Variants in KCNT2 observed in about 807,000 individuals in gnomAD.
KCNT2 encodes the protein potassium sodium-activated channel subfamily T member 2.
Under a neutral mutation model 153.8 loss-of-function variants are expected in KCNT2, and 67 were observed. The ratio of observed to expected loss-of-function variants is 0.44; its 90% confidence interval spans 0.36 to 0.53. The LOEUF (loss-of-function observed/expected upper bound fraction) is 0.53, where lower values mean the gene tolerates loss of function less well. Among genes scored for constraint, KCNT2 ranks in the 20% least tolerant of loss-of-function variants. The probability of loss-of-function intolerance (pLI) is 0.00; values close to 1 mark genes in which losing one functional copy is unlikely to be tolerated. For missense variants in KCNT2, 975 were observed against 1,354.8 expected (o/e 0.72, Z 4.40); for synonymous variants, 500 against 458.8 (o/e 1.09, Z -1.15).
intron 25 of KCNT2, among the ~76,000 whole-genome samples, chr1:196,265,143 C>T (rs1057203220): frequency 6.6e-6 from 1 of 152,168 alleles, no homozygotes; most frequent in Non-Finnish European, 1.5e-5. Context: ...TGGGTATTAT[C>T]CCATCTATGA....
At chr1:196,250,902 C>A (rs943977784) in intron 26 of KCNT2, among the ~76,000 whole-genome samples, 2 of 152,000 alleles carry the variant, frequency 1.3e-5, no homozygotes, top group Non-Finnish European at 2.9e-5. Flanking sequence ...CAGAGAAAGA[C>A]AAATCAAAAC....
At chr1:196,228,498 C>A (rs545646778) in intron 27 of KCNT2, among the ~76,000 whole-genome samples, 163 bp from the exon 28 acceptor site, 4 of 152,220 alleles carry the variant, frequency 2.6e-5, no homozygotes, top group Admixed American at 6.5e-5. Context: ...TTGGCCTTTA[C>A]AATTTGGCAT....
chr1:196,506,873 A>G (rs1354507452), intron 1 of KCNT2, among the ~76,000 whole-genome samples: 5 of 152,172 alleles, frequency 3.3e-5, no homozygotes, highest in Admixed American at 3.3e-4. Flanking sequence ...TTTTTAGTCA[A>G]AGTAGATGAG....
In KCNT2 at chr1:196,273,193, A is replaced by G. The variant is rs1468468381; in HGVS notation, c.2910+7667T>C. Among the ~76,000 whole-genome samples the G allele has an allele frequency of 3.3e-5, 5 of 151,862 alleles. No individual in the cohort carries two copies. In the East Asian group the frequency reaches 9.6e-4, roughly 29 times the overall value. On this transcript the variant is annotated intron_variant, in intron 25 of 27. Transcript: ENST00000294725. ...TTAAAAACCATGATAATATCTTGAA[A>G]TATCTTTCATTATTAACTTTAATTA... is the stretch of plus-strand genomic sequence containing the variant.
At chr1:196,293,875 A>C (rs1466985769) in intron 22 of KCNT2, among the ~76,000 whole-genome samples, 1 of 148,524 alleles carries the variant, frequency 6.7e-6, no homozygotes, top group African/African-American at 2.5e-5. Flanking sequence ...AAAAAAAAAC[A>C]AAAAAACAAA....
intron 1 of KCNT2, among the ~76,000 whole-genome samples, chr1:196,553,527 C>T (rs1041635616): frequency 1.3e-5 from 2 of 150,370 alleles, no homozygotes; most frequent in Admixed American, 6.7e-5. Flanking sequence ...AGGGACAGAC[C>T]TCAATACACT....
chr1:196,334,942 T>C (rs1451420878), intron 16 of KCNT2, among the ~76,000 whole-genome samples: 3 of 152,090 alleles, frequency 2.0e-5, no homozygotes, highest in African/African-American at 7.2e-5. Context: ...CTGGAGGCAG[T>C]AAGAATGGCA....
intron 1 of KCNT2, among the ~76,000 whole-genome samples, chr1:196,567,176 C>T (rs1660212572): frequency 6.6e-6 from 1 of 151,948 alleles, no homozygotes; most frequent in South Asian, 2.1e-4. Context: ...TATATTTCAG[C>T]CATATCTCTC....
intron 5 of KCNT2, among the ~76,000 whole-genome samples, chr1:196,477,203 A>T (rs1441706244): frequency 6.6e-6 from 1 of 152,142 alleles, no homozygotes; most frequent in Non-Finnish European, 1.5e-5. Context: ...GTGAGCCTGA[A>T]AAAAGGGTGA....
At chr1:196,301,131 T>G (rs1201256170) in intron 22 of KCNT2, among the ~76,000 whole-genome samples, 1 of 152,184 alleles carries the variant, frequency 6.6e-6, no homozygotes, top group African/African-American at 2.4e-5. Flanking sequence ...GAACAGACTT[T>G]TGTCACAAAC....
chr1:196,435,171 A>G (rs1465729205), intron 8 of KCNT2, among the ~76,000 whole-genome samples: 2 of 137,192 alleles, frequency 1.5e-5, no homozygotes, highest in African/African-American at 5.3e-5. Context: ...ATATATATAT[A>G]TATATATATA....
chr1:196,378,744 T>A (rs1238427608), intron 13 of KCNT2, among the ~76,000 whole-genome samples: 1 of 148,060 alleles, frequency 6.8e-6, no homozygotes, highest in Admixed American at 6.8e-5. Flanking sequence ...TAATTTAATA[T>A]ATAATACAAT....
chr1:196,569,772 C>G (rs1304611800), intron 1 of KCNT2, among the ~76,000 whole-genome samples: 1 of 152,086 alleles, frequency 6.6e-6, no homozygotes, highest in Non-Finnish European at 1.5e-5. Flanking sequence ...CTGCAAGTCC[C>G]TATTCATACC....
chr1:196,253,098 A>G lies in KCNT2; in HGVS notation c.3211+5096T>C, dbSNP rs138743513. On this transcript the variant is annotated intron_variant, in intron 26 of 27. Transcript: ENST00000294725. ...AATGAGGTTCTTAAATTTTAGGTAG[A>G]GTTCTCATCGAATCTGAAAAAATTT... Among the ~76,000 whole-genome samples, 197 of 151,448 alleles carry G rather than the reference A, an allele frequency of 1.3e-3. 1 individual carries two copies. The East Asian group carries it at 0.028, about 21-fold the overall frequency.
chr1:196,328,631 A>G (rs1455120961), intron 18 of KCNT2, among the ~76,000 whole-genome samples: 1 of 150,838 alleles, frequency 6.6e-6, no homozygotes, highest in African/African-American at 2.5e-5. Context: ...AAAGTGCTAA[A>G]AGAAAAAAAA....
chr1:196,252,223 G>A (rs1656038671), intron 26 of KCNT2, among the ~76,000 whole-genome samples: 1 of 151,406 alleles, frequency 6.6e-6, no homozygotes, highest in Non-Finnish European at 1.5e-5. Context: ...TAGTTATTTT[G>A]TAGTTCCTTT....
intron 1 of KCNT2, among the ~76,000 whole-genome samples, chr1:196,549,767 T>G (rs1188113782): frequency 1.3e-5 from 2 of 151,946 alleles, no homozygotes; most frequent in Non-Finnish European, 2.9e-5. Context: ...TCTTTTTTAT[T>G]GCTAGCTGAA....
intron 16 of KCNT2, among the ~76,000 whole-genome samples, chr1:196,335,315 A>G (rs1664913467): frequency 6.6e-6 from 1 of 152,068 alleles, no homozygotes; most frequent in African/African-American, 2.4e-5. Context: ...TACTTACACA[A>G]ACCTAGATGA....
rs774060822 is a variant in KCNT2, at chr1:196,342,157, A to G, written c.1475T>C (p.Ile492Thr). The change falls in exon 15 of 28, where the codon ATT becomes ACT. Residue 492 changes from isoleucine (I) to threonine (T), a missense_variant. Around this residue, in one of 6 missense-constraint regions of KCNT2, gnomAD observed 325 missense variants for 388.1 expected, o/e 0.84. Transcript: ENST00000294725. ...GRCSGNEVYH[I>T]VLEESTFFAE... ...AAAAAATGTACTTTCTTCCAAAACAATGTGGTAGACTTCATTCCCGGAGCA... is the reference window on the plus strand; with the variant it reads ...AAAAAATGTACTTTCTTCCAAAACAGTGTGGTAGACTTCATTCCCGGAGCA... 4 of 1,611,182 alleles carry G rather than the reference A, an allele frequency of 2.5e-6. No homozygotes were observed. Among genetic ancestry groups the G allele is most frequent in the South Asian group, 2.2e-5 (2 of 90,476 alleles).
Sources: gnomAD v4.1 joint callset for allele counts (sites outside exome capture counted in the v4.1 genomes callset) on GRCh38, gnomAD v4.1.1 for gene constraint, gnomAD v4.1.1 regional missense constraint, MANE v1.5 for transcripts, NCBI Gene and HGNC (gene_info 2026-07-23, HGNC 2026-07-21) for gene names.